The following LDB2 variants were observed in gnomAD, a reference collection of about 807,000 sequenced individuals.
LDB2 encodes the protein LIM domain-binding protein 2.
A neutral mutation model predicts 44.3 loss-of-function variants in LDB2; 12 were observed. The observed-to-expected ratio is 0.27, with a 90% CI of 0.17 to 0.44. The LOEUF (loss-of-function observed/expected upper bound fraction) is 0.44, where lower values mean the gene tolerates loss of function less well. Ranked by LOEUF, LDB2 falls within the 20% of genes least tolerant of loss-of-function variation. LDB2 has a pLI of 1.00. For missense variants in LDB2, 344 were observed against 473.5 expected (o/e 0.73, Z 2.54); for synonymous variants, 164 against 174.8 (o/e 0.94, Z 0.49).
intron 5 of LDB2, among the ~76,000 whole-genome samples, chr4:16,557,520 G>A (rs1403280167): frequency 1.3e-5 from 2 of 152,226 alleles, no homozygotes; most frequent in Non-Finnish European, 2.9e-5. Context: ...AGGGGCGCCT[G>A]CCATTGCCCA....
At chr4:16,712,025 A>T (rs1755987707) in intron 2 of LDB2, among the ~76,000 whole-genome samples, 1 of 152,216 alleles carries the variant, frequency 6.6e-6, no homozygotes. Flanking sequence ...AGATATGATC[A>T]CAGAAGCACA....
intron 1 of LDB2, among the ~76,000 whole-genome samples, chr4:16,792,365 T>C (rs1307302995): frequency 6.6e-6 from 1 of 152,242 alleles, no homozygotes; most frequent in Non-Finnish European, 1.5e-5. Flanking sequence ...ATAAGATAGA[T>C]ACTGATTTGT....
chr4:16,835,916 T>C (rs1219339401), intron 1 of LDB2, among the ~76,000 whole-genome samples: 1 of 152,228 alleles, frequency 6.6e-6, no homozygotes, highest in East Asian at 1.9e-4. Flanking sequence ...TGAGCTCTAG[T>C]GATGTGCTGG....
At chr4:16,539,687 T>A (rs1733086325) in intron 5 of LDB2, among the ~76,000 whole-genome samples, 2 of 152,218 alleles carry the variant, frequency 1.3e-5, no homozygotes, top group South Asian at 4.2e-4. Flanking sequence ...GGTCAAACAA[T>A]GGTCTTTTCA....
chr4:16,807,701 C>T (rs1397479342), intron 1 of LDB2, among the ~76,000 whole-genome samples: 1 of 152,180 alleles, frequency 6.6e-6, no homozygotes, highest in Non-Finnish European at 1.5e-5. Flanking sequence ...CCCTGGTGTA[C>T]CCTTTAAACA....
At chr4:16,592,465 CATATATATATATATATATAT>C (rs71589671) in intron 3 of LDB2, among the ~76,000 whole-genome samples, 3,622 of 116,600 alleles carry the variant, frequency 0.031, 93 homozygotes, top group East Asian at 0.065. Flanking sequence ...ATTATACATA[CATATATATATATATATATAT>C]ATATATATAT....
chr4:16,614,511 A>G (rs1045348652), intron 2 of LDB2, among the ~76,000 whole-genome samples: 1 of 151,176 alleles, frequency 6.6e-6, no homozygotes, highest in Non-Finnish European at 1.5e-5. Flanking sequence ...AAGTTTTGCA[A>G]TCTATCCCTC....
At chr4:16,745,839 A>G (rs1199255979) in intron 2 of LDB2, among the ~76,000 whole-genome samples, 1 of 151,988 alleles carries the variant, frequency 6.6e-6, no homozygotes, top group Non-Finnish European at 1.5e-5. Context: ...CCAGAGTAAG[A>G]CATTAGAATT....
At chr4:16,695,680 A>G (rs986186057) in intron 2 of LDB2, among the ~76,000 whole-genome samples, 7 of 152,162 alleles carry the variant, frequency 4.6e-5, no homozygotes, top group African/African-American at 1.4e-4. Flanking sequence ...AGACTATTCA[A>G]ATCTGTCCTT....
At chr4:16,643,480 C>G (rs1223549677) in intron 2 of LDB2, among the ~76,000 whole-genome samples, 3 of 152,118 alleles carry the variant, frequency 2.0e-5, no homozygotes, top group Non-Finnish European at 4.4e-5. Context: ...CCTAAATGTT[C>G]TTTGCTATCA....
At chr4:16,682,297 A>G (rs1423651018) in intron 2 of LDB2, among the ~76,000 whole-genome samples, 1 of 151,620 alleles carries the variant, frequency 6.6e-6, no homozygotes, top group Non-Finnish European at 1.5e-5. Flanking sequence ...AAAGCAGTTT[A>G]TTTTATTTCT....
chr4:16,644,618 C>G lies in LDB2; in HGVS notation c.236-48743G>C, dbSNP rs184162383. 9.4e-4 allele frequency among the ~76,000 whole-genome samples: 143 copies of G among 152,006 alleles called. 1 individual carries two copies. The highest frequency in any genetic ancestry group is 3.3e-3 in the African/African-American group (136 of 41,460). On this transcript the variant is annotated intron_variant, in intron 2 of 7. Coordinates refer to ENST00000304523, the MANE Select transcript of LDB2 (RefSeq NM_001290.5). Reference sequence around the variant, plus strand: ...AATTTTTTTGTGTTTTTAGTAGAGACGGGGTTTCACCATGTTGGCCAGGCT... The same window carrying G: ...AATTTTTTTGTGTTTTTAGTAGAGAGGGGGTTTCACCATGTTGGCCAGGCT...
chr4:16,783,183 G>A (rs1773675079), intron 1 of LDB2, among the ~76,000 whole-genome samples: 1 of 152,218 alleles, frequency 6.6e-6, no homozygotes, highest in African/African-American at 2.4e-5. Flanking sequence ...AGGGGCCTAG[G>A]GGTATGGGAT....
intron 2 of LDB2, among the ~76,000 whole-genome samples, chr4:16,608,661 G>A (rs1724663077): frequency 6.6e-6 from 1 of 152,106 alleles, no homozygotes; most frequent in African/African-American, 2.4e-5. Flanking sequence ...CAAGCGCACC[G>A]GACTTTCCGC....
At chr4:16,825,332 C>A (rs906498156) in intron 1 of LDB2, among the ~76,000 whole-genome samples, 3 of 152,094 alleles carry the variant, frequency 2.0e-5, no homozygotes, top group Non-Finnish European at 4.4e-5. Flanking sequence ...AATTCTAAGA[C>A]AGAAGCTAGG....
intron 5 of LDB2, among the ~76,000 whole-genome samples, chr4:16,560,214 A>G (rs986393146): frequency 1.3e-5 from 2 of 152,228 alleles, no homozygotes; most frequent in African/African-American, 4.8e-5. Flanking sequence ...AATAACTAAA[A>G]TCAGAGCAGA....
intron 3 of LDB2, among the ~76,000 whole-genome samples, chr4:16,590,721 C>T (rs1406642278): frequency 6.6e-6 from 1 of 152,208 alleles, no homozygotes; most frequent in African/African-American, 2.4e-5. Context: ...AGACCTTTGC[C>T]TCAGATCCAA....
chr4:16,753,653 A>G (rs1765908271), intron 2 of LDB2, among the ~76,000 whole-genome samples: 1 of 152,204 alleles, frequency 6.6e-6, no homozygotes, highest in South Asian at 2.1e-4. Flanking sequence ...ATGTCCCTCC[A>G]GCAGCCATGG....
At chr4:16,586,081 C>A (rs2152425594) in intron 4 of LDB2, 76 bp from the exon 5 acceptor site, 4 of 1,078,642 alleles carry the variant, frequency 3.7e-6, no homozygotes, top group Non-Finnish European at 5.7e-6. Context: ...TGTGCTACAG[C>A]TGCTAAGAAA....
Sources: allele counts gnomAD v4.1 joint callset (sites outside exome capture counted in the v4.1 genomes callset), GRCh38; gene constraint gnomAD v4.1.1; transcripts MANE v1.5; gene names NCBI Gene and HGNC (gene_info 2026-07-23, HGNC 2026-07-21).